Variants in NRCAM observed in about 807,000 individuals in gnomAD.
NRCAM encodes neuronal cell adhesion molecule, also known as NgCAM-related cell adhesion molecule.
In NRCAM, 83 loss-of-function variants were observed where a neutral mutation model predicts 156.5. The observed-to-expected ratio is 0.53, with a 90% CI of 0.44 to 0.64. The LOEUF is 0.64. NRCAM is among the 30% of genes least tolerant of loss of function. The probability of loss-of-function intolerance (pLI) is 0.00; values close to 1 mark genes in which losing one functional copy is unlikely to be tolerated. For synonymous variants in NRCAM, 538 were observed against 563.9 expected, an observed-to-expected ratio of 0.95 and a Z score of 0.65; for missense variants, 1,417 against 1,597.3, an observed-to-expected ratio of 0.89 and a Z score of 1.92.
intron 2 of NRCAM, among the ~76,000 whole-genome samples, chr7:108,392,183 C>T (rs1330810808): frequency 6.6e-6 from 1 of 152,172 alleles, no homozygotes; most frequent in East Asian, 1.9e-4. Flanking sequence ...CAACTTGGTT[C>T]CATTCTCCTC....
intron 11 of NRCAM, among the ~76,000 whole-genome samples, chr7:108,221,242 T>C (rs1027564091): frequency 6.6e-6 from 1 of 152,178 alleles, no homozygotes; most frequent in African/African-American, 2.4e-5. Context: ...ACTTCTACAG[T>C]GCTGGTGGGA....
chr7:108,425,176 G>A (rs913997093), intron 1 of NRCAM, among the ~76,000 whole-genome samples: 2 of 151,974 alleles, frequency 1.3e-5, no homozygotes, highest in Non-Finnish European at 2.9e-5. Flanking sequence ...TGACCCAAAA[G>A]GTTAAGAACC....
In NRCAM at chr7:108,209,518, C is replaced by A; in HGVS notation, c.978G>T (p.Gln326His). 6.2e-7 allele frequency: 1 copy of A among 1,612,500 alleles called. No individual in the cohort carries two copies. The highest frequency in any genetic ancestry group is 8.5e-7 in the Non-Finnish European group (1 of 1,179,344). The change falls in exon 12 of 33, where the codon CAG becomes CAT. Residue 326 changes from glutamine to histidine, a missense_variant. By Grantham distance (24) the Gln-to-His change is conservative (BLOSUM62 0). This residue lies in a region of NRCAM where 1,238 missense variants were observed against 1,336.4 expected (regional missense o/e 0.93). Coordinates refer to ENST00000379028, the MANE Select transcript of NRCAM (RefSeq NM_001037132.4). ...AGTCTGCTTCTGAAACATGAATGAT[C>A]TGCAAGGTTTTCTCAAAGTTCTTAT... is the stretch of plus-strand genomic sequence containing the variant. ...TVYKNFEKTL[Q>H]IIHVSEADSG...
chr7:108,443,192 T>C (rs2154484916), intron 1 of NRCAM, among the ~76,000 whole-genome samples: 1 of 151,996 alleles, frequency 6.6e-6, no homozygotes, highest in South Asian at 2.1e-4. Context: ...TTTTTTTGTA[T>C]GTCACAGTTC....
chr7:108,193,712 G>C (rs772481343), intron 17 of NRCAM, among the ~76,000 whole-genome samples: 1 of 152,220 alleles, frequency 6.6e-6, no homozygotes, highest in Non-Finnish European at 1.5e-5. Flanking sequence ...GAAAACATCT[G>C]TTGAGACTTC....
At chr7:108,350,741 C>CA (rs2099406239) in intron 2 of NRCAM, among the ~76,000 whole-genome samples, 1 of 151,980 alleles carries the variant, frequency 6.6e-6, no homozygotes, top group African/African-American at 2.4e-5. Flanking sequence ...TATTGTTTTT[C>CA]TTTTTTTTCT....
intron 3 of NRCAM, among the ~76,000 whole-genome samples, chr7:108,301,903 G>A (rs111695354): frequency 2.6e-5 from 4 of 151,960 alleles, no homozygotes; most frequent in Admixed American, 6.6e-5. Flanking sequence ...TGAGACTTGC[G>A]ACTCAGCTTT....
chr7:108,189,532 T>C lies in NRCAM; in HGVS notation c.2035+113A>G. Reference sequence around the variant, plus strand: ...ATAAATATTTTTATTCTATCAGTAATGAAGCAGAGAATCCCAGTAAATACC... The same window carrying C: ...ATAAATATTTTTATTCTATCAGTAACGAAGCAGAGAATCCCAGTAAATACC... On this transcript the variant is annotated intron_variant, in intron 20 of 32. Coordinates refer to ENST00000379028, the MANE Select transcript of NRCAM (RefSeq NM_001037132.4). 4.6e-6 allele frequency: 3 copies of C among 659,160 alleles called. 1 individual carries two copies. In the South Asian group the frequency reaches 5.3e-5, roughly 12 times the overall value. 40.8% of individuals were successfully genotyped at this position (659,160 alleles called of 1,614,324 possible).
At chr7:108,202,824 C>T (rs534153126) in intron 13 of NRCAM, among the ~76,000 whole-genome samples, 1 of 152,292 alleles carries the variant, frequency 6.6e-6, no homozygotes, top group South Asian at 2.1e-4. Flanking sequence ...TCTTTTCCCT[C>T]CTCATCCCTG....
At chr7:108,194,534 T>G (rs956783122) in intron 15 of NRCAM, 106 bp from the exon 16 acceptor site, 3 of 740,038 alleles carry the variant, frequency 4.1e-6, no homozygotes, top group East Asian at 5.5e-5. Flanking sequence ...AATGTGAAAG[T>G]TGCAAGGCTA....
intron 2 of NRCAM, among the ~76,000 whole-genome samples, chr7:108,323,794 A>C (rs959480242): frequency 6.6e-6 from 1 of 152,052 alleles, no homozygotes; most frequent in South Asian, 2.1e-4. Context: ...TAGAGTGTGA[A>C]GATAAAGAGG....
chr7:108,252,685 A>C (rs1471732717), intron 3 of NRCAM, among the ~76,000 whole-genome samples: 3 of 152,226 alleles, frequency 2.0e-5, no homozygotes, highest in African/African-American at 7.2e-5. Context: ...CATTTAACTA[A>C]ATCAAGACAC....
At chr7:108,455,993 G>A (rs1856957570) in intron 1 of NRCAM, among the ~76,000 whole-genome samples, 1 of 152,216 alleles carries the variant, frequency 6.6e-6, no homozygotes, top group Non-Finnish European at 1.5e-5. Flanking sequence ...TTTCAGCTGT[G>A]CCTTCACCCA....
At chr7:108,401,320 C>T (rs2154396173) in intron 1 of NRCAM, among the ~76,000 whole-genome samples, 1 of 152,228 alleles carries the variant, frequency 6.6e-6, no homozygotes, top group African/African-American at 2.4e-5. Context: ...GCAGGTGGAT[C>T]ACTTGAGCCC....
At chr7:108,390,194 T>C (rs892407886) in intron 2 of NRCAM, among the ~76,000 whole-genome samples, 1 of 152,160 alleles carries the variant, frequency 6.6e-6, no homozygotes, top group Non-Finnish European at 1.5e-5. Context: ...GGACTTTTTT[T>C]GGTTGGTAGG....
chr7:108,255,738 A>T (rs1240281415), intron 3 of NRCAM, among the ~76,000 whole-genome samples: 2 of 134,250 alleles, frequency 1.5e-5, no homozygotes, highest in African/African-American at 6.0e-5. Flanking sequence ...CTGCCCGGCC[A>T]CGACCCCGTC....
At chr7:108,294,297 A>G (rs1416707517) in intron 3 of NRCAM, among the ~76,000 whole-genome samples, 1 of 150,224 alleles carries the variant, frequency 6.7e-6, no homozygotes, top group Non-Finnish European at 1.5e-5. Context: ...ACTTTCAGGA[A>G]CAAGCTCATG....
At chr7:108,191,584 C>A in intron 18 of NRCAM, 145 bp downstream of exon 18, 1 of 984,590 alleles carries the variant, frequency 1.0e-6, no homozygotes, top group South Asian at 2.2e-5. Flanking sequence ...GCCTCCAAGG[C>A]ATCTTTCAAA....
intron 17 of NRCAM, among the ~76,000 whole-genome samples, chr7:108,192,604 G>A (rs145520848): frequency 1.5e-4 from 23 of 152,174 alleles, no homozygotes; most frequent in South Asian, 6.2e-4. Flanking sequence ...GGAAGGAGGC[G>A]AAGAATAGTT....
Sources: gnomAD v4.1 joint callset for allele counts (sites outside exome capture counted in the v4.1 genomes callset) on GRCh38, gnomAD v4.1.1 for gene constraint, gnomAD v4.1.1 regional missense constraint, MANE v1.5 for transcripts, NCBI Gene and HGNC (gene_info 2026-07-23, HGNC 2026-07-21) for gene names.